TTC28: variants seen among roughly 807,000 people sequenced by gnomAD.
The protein encoded by TTC28 is tetratricopeptide repeat protein 28.
Under a neutral mutation model 198.0 loss-of-function variants are expected in TTC28, and 61 were observed. That is an observed-to-expected ratio of 0.31 (90% CI 0.25 to 0.38). TTC28 has a LOEUF of 0.38. Among genes scored for constraint, TTC28 ranks in the 10% least tolerant of loss-of-function variants. The pLI, the probability that TTC28 is intolerant of heterozygous loss-of-function variation, is 1.00. For synonymous variants in TTC28, 1,171 were observed against 1,297.8 expected, an observed-to-expected ratio of 0.90 and a Z score of 2.10; for missense variants, 2,678 against 3,164.0, an observed-to-expected ratio of 0.85 and a Z score of 3.69.
At chr22:28,184,309 T>G (rs1923985438) in intron 5 of TTC28, among the ~76,000 whole-genome samples, 1 of 152,190 alleles carries the variant, frequency 6.6e-6, no homozygotes, top group African/African-American at 2.4e-5. Flanking sequence ...TTTTGTATAT[T>G]TGTTTAACAT....
chr22:28,271,883 G>A (rs1392868936), intron 5 of TTC28, among the ~76,000 whole-genome samples: 2 of 152,144 alleles, frequency 1.3e-5, no homozygotes, highest in South Asian at 2.1e-4. Flanking sequence ...GATTACAGGC[G>A]TGAGCCACCG....
Position 28,199,530 on chromosome 22 carries a change from C to CATATATATATATAT in TTC28, c.934-35945_934-35932dup, listed in dbSNP as rs10689151. On this transcript the variant is annotated intron_variant, in intron 5 of 22. Transcript: ENST00000397906. The stretch of plus-strand genomic sequence containing the variant: ...CTCTTCAAAAAAAGAAATACCTATA[C>CATATATATATATAT]ATATATATATATATATATACACACA... Among the ~76,000 whole-genome samples the CATATATATATATAT allele has an allele frequency of 2.4e-3, 328 of 138,948 alleles. 2 individuals carry two copies. Among genetic ancestry groups the CATATATATATATAT allele is most frequent in the South Asian group, 0.01 (45 of 4,304 alleles). 91.2% of individuals were successfully genotyped at this position (138,948 alleles called of 152,430 possible). A position where few individuals can be genotyped will look rare whatever the true frequency, so the allele number is the denominator to read the frequency against.
chr22:28,114,608 C>T (rs1942584075), intron 6 of TTC28, among the ~76,000 whole-genome samples: 2 of 148,062 alleles, frequency 1.4e-5, no homozygotes, highest in Non-Finnish European at 3.0e-5. Flanking sequence ...GAGACAGGGT[C>T]CCACTCTGTC....
At chr22:28,234,065 C>T (rs1929036256) in intron 5 of TTC28, among the ~76,000 whole-genome samples, 1 of 151,958 alleles carries the variant, frequency 6.6e-6, no homozygotes, top group South Asian at 2.1e-4. Flanking sequence ...TGCCACTACG[C>T]CCGGCTAATT....
chr22:28,302,192 G>A (rs1329881927), intron 3 of TTC28, among the ~76,000 whole-genome samples: 1 of 152,102 alleles, frequency 6.6e-6, no homozygotes, highest in African/African-American at 2.4e-5. Flanking sequence ...TACCTGAATA[G>A]AAATCAGAGA....
At chr22:28,283,369 T>C (rs1396537780) in intron 5 of TTC28, among the ~76,000 whole-genome samples, 1 of 151,936 alleles carries the variant, frequency 6.6e-6, no homozygotes, top group Non-Finnish European at 1.5e-5. Flanking sequence ...TTGCATGGAT[T>C]TCACGTTAGC....
rs1298657444 is a variant in TTC28, at chr22:27,978,354, A to C, written c.*3867T>G. On this transcript the variant is annotated 3_prime_UTR_variant, in exon 23 of 23. Transcript: ENST00000397906. ...CACTCATTTTAGATAGAACAGCAGA[A>C]TAGGTGATGAAAATTATACAGTTTT... 3 of 152,250 alleles carry C rather than the reference A, an allele frequency of 2.0e-5. No individual in the cohort carries two copies. Among genetic ancestry groups the C allele is most frequent in the African/African-American group, 7.2e-5 (3 of 41,466 alleles). The allele number at this position is 152,250 out of a possible 1,614,324, so 9.4% of individuals were successfully genotyped here.
At chr22:28,155,391 C>A (rs1196186409) in intron 6 of TTC28, among the ~76,000 whole-genome samples, 1 of 152,140 alleles carries the variant, frequency 6.6e-6, no homozygotes, top group African/African-American at 2.4e-5. Flanking sequence ...ATATGGAAAC[C>A]ACAGAGTAGA....
At chr22:28,235,990 T>C (rs552168862) in intron 5 of TTC28, among the ~76,000 whole-genome samples, 1 of 152,334 alleles carries the variant, frequency 6.6e-6, no homozygotes, top group African/African-American at 2.4e-5. Flanking sequence ...TTGACTAATG[T>C]GATGGTGCCT....
chr22:27,987,144 G>A (rs1272586707), intron 21 of TTC28, among the ~76,000 whole-genome samples: 1 of 152,194 alleles, frequency 6.6e-6, no homozygotes, highest in African/African-American at 2.4e-5. Flanking sequence ...TCCCCGAGCT[G>A]TATGTCAAAA....
chr22:28,211,647 C>A lies in TTC28; in HGVS notation c.934-48048G>T, dbSNP rs1569201099. ...ATTCATAAAGCAAGTCCTTAGAGAC[C>A]TACAAAGAGACTTAGATTCCAAACA... On this transcript the variant is annotated intron_variant, in intron 5 of 22. Transcript: ENST00000397906. Among the ~76,000 whole-genome samples, 3 of 152,022 alleles carry A rather than the reference C, an allele frequency of 2.0e-5. No homozygotes were observed. The South Asian group carries it at 6.2e-4, about 32-fold the overall frequency.
intron 2 of TTC28, among the ~76,000 whole-genome samples, chr22:28,315,282 ATT>A (rs917677933): frequency 1.4e-5 from 2 of 145,780 alleles, no homozygotes; most frequent in Non-Finnish European, 1.5e-5. Flanking sequence ...CTGGATTTGG[ATT>A]TTTTTTTTTT....
chr22:28,123,063 A>G (rs1287375512), intron 6 of TTC28, among the ~76,000 whole-genome samples: 3 of 152,228 alleles, frequency 2.0e-5, no homozygotes, highest in Admixed American at 6.5e-5. Flanking sequence ...CAACGGGAAG[A>G]GCAGGCCCAA....
intron 2 of TTC28, among the ~76,000 whole-genome samples, chr22:28,501,092 C>A (rs2048531238): frequency 6.6e-6 from 1 of 152,156 alleles, no homozygotes; most frequent in Non-Finnish European, 1.5e-5. Flanking sequence ...AAATGAACAT[C>A]TGTAGAGCAC....
chr22:28,509,434 T>G (rs984328862), intron 2 of TTC28, among the ~76,000 whole-genome samples: 15 of 152,158 alleles, frequency 9.9e-5, no homozygotes, highest in Admixed American at 9.2e-4. Flanking sequence ...GAATGACTCT[T>G]GGATAAATAA....
At chr22:28,405,816 GA>G (rs551551322) in intron 2 of TTC28, among the ~76,000 whole-genome samples, 117 of 152,338 alleles carry the variant, frequency 7.7e-4, no homozygotes, top group Middle Eastern at 3.4e-3. Context: ...GTAATACCCA[GA>G]AGTTACCACC....
intron 2 of TTC28, among the ~76,000 whole-genome samples, chr22:28,317,774 A>G (rs1259234866): frequency 6.6e-6 from 1 of 152,176 alleles, no homozygotes; most frequent in Non-Finnish European, 1.5e-5. Context: ...AGGTCTACAT[A>G]AAGTATCAAG....
intron 2 of TTC28, among the ~76,000 whole-genome samples, chr22:28,432,914 A>C (rs1362000584): frequency 3.3e-5 from 5 of 152,132 alleles, no homozygotes; most frequent in Non-Finnish European, 7.3e-5. Flanking sequence ...TGTCCCCTCA[A>C]AACACAGACC....
intron 5 of TTC28, among the ~76,000 whole-genome samples, chr22:28,283,325 T>TAC (rs35766225): frequency 0.45 from 67,263 of 149,486 alleles, 16,139 homozygotes; most frequent in Middle Eastern, 0.66. Context: ...CTTTCTCTCT[T>TAC]ACACACACAC....
Sources: allele counts gnomAD v4.1 joint callset (sites outside exome capture counted in the v4.1 genomes callset), GRCh38; gene constraint gnomAD v4.1.1; transcripts MANE v1.5; gene names NCBI Gene and HGNC (gene_info 2026-07-23, HGNC 2026-07-21).